MARCHF4: variants seen among roughly 807,000 people sequenced by gnomAD.
MARCHF4 encodes the protein membrane associated ring-CH-type finger 4.
A neutral mutation model predicts 43.9 loss-of-function variants in MARCHF4; 14 were observed. That is an observed-to-expected ratio of 0.32 (90% confidence interval 0.21 to 0.50). The LOEUF (loss-of-function observed/expected upper bound fraction) is 0.50, where lower values mean the gene tolerates loss of function less well. Ranked by LOEUF, MARCHF4 falls within the 20% of genes least tolerant of loss-of-function variation. MARCHF4 has a pLI of 0.98. For missense variants in MARCHF4, 468 were observed against 536.7 expected (o/e 0.87, Z 1.27); for synonymous variants, 226 against 213.3 (o/e 1.06, Z -0.52).
At chr2:216,303,861 G>T (rs1691537781) in intron 1 of MARCHF4, among the ~76,000 whole-genome samples, 2 of 152,160 alleles carry the variant, frequency 1.3e-5, no homozygotes, top group Admixed American at 1.3e-4. Flanking sequence ...CAGATTCCAG[G>T]AATTGCTTAA....
At chr2:216,266,709 C>T (rs1325417628) in intron 3 of MARCHF4, among the ~76,000 whole-genome samples, 1 of 152,206 alleles carries the variant, frequency 6.6e-6, no homozygotes, top group Admixed American at 6.5e-5. Flanking sequence ...TTCCACTCCT[C>T]CAGTGCCCAG....
intron 2 of MARCHF4, 110 bp downstream of exon 2, chr2:216,283,464 T>C: frequency 7.3e-7 from 1 of 1,361,044 alleles, no homozygotes; most frequent in Non-Finnish European, 1.0e-6. Context: ...GCCCATCTTC[T>C]TCCTTTTCCT....
At chr2:216,260,031 G>T (rs1690716512) in intron 3 of MARCHF4, among the ~76,000 whole-genome samples, 1 of 152,182 alleles carries the variant, frequency 6.6e-6, no homozygotes, top group Admixed American at 6.5e-5. Flanking sequence ...GTCCTTAGCA[G>T]ATGTTGAATG....
At chr2:216,273,784 G>C (rs1053703026) in intron 3 of MARCHF4, among the ~76,000 whole-genome samples, 1 of 152,238 alleles carries the variant, frequency 6.6e-6, no homozygotes, top group African/African-American at 2.4e-5. Flanking sequence ...ACCACGCTGA[G>C]CCTCCTTCTG....
chr2:216,349,253 C>G (rs1352108642), intron 1 of MARCHF4, among the ~76,000 whole-genome samples: 2 of 152,218 alleles, frequency 1.3e-5, no homozygotes, highest in African/African-American at 4.8e-5. Context: ...TCAGGGATCT[C>G]TCCTCTCCTG....
chr2:216,370,358 G>C lies in MARCHF4; in HGVS notation c.-98C>G. 2 of 999,080 alleles carry C rather than the reference G, an allele frequency of 2.0e-6. No individual in the cohort carries two copies. The highest frequency in any genetic ancestry group is 1.4e-6 in the Non-Finnish European group (1 of 708,064). The allele number at this position is 999,080 out of a possible 1,614,324, so 61.9% of individuals were successfully genotyped here. On this transcript the variant is annotated 5_prime_UTR_variant, in exon 1 of 4. Coordinates refer to ENST00000273067, the MANE Select transcript of MARCHF4 (RefSeq NM_020814.3). ...GGGTCCACAGTGGATCTGTGTTGTG[G>C]GGGGAGTCTGCTTTCTCACTGGCTT... is the stretch of plus-strand genomic sequence containing the variant.
rs1160066015 is a variant in MARCHF4 at position 216,339,203 on chromosome 2, C to T, written c.516+30542G>A. ...CAATCCCCCCTTTCCTGGCACCCAA[C>T]AGCAGTCTTGTCATTCTAGGCATCT... On this transcript the variant is annotated intron_variant, in intron 1 of 3. Coordinates refer to ENST00000273067, the MANE Select transcript of MARCHF4 (RefSeq NM_020814.3). Among the ~76,000 whole-genome samples the T allele has an allele frequency of 5.3e-5, 8 of 152,332 alleles. No individual in the cohort carries two copies. In the East Asian group the frequency reaches 1.5e-3, roughly 29 times the overall value.
At chr2:216,286,976 G>A (rs1691227934) in intron 1 of MARCHF4, among the ~76,000 whole-genome samples, 1 of 152,158 alleles carries the variant, frequency 6.6e-6, no homozygotes, top group African/African-American at 2.4e-5. Flanking sequence ...TCTGATTGAG[G>A]AGAAAGGTTA....
chr2:216,334,491 C>T (rs925420238), intron 1 of MARCHF4, among the ~76,000 whole-genome samples: 1 of 152,076 alleles, frequency 6.6e-6, no homozygotes, highest in Non-Finnish European at 1.5e-5. Flanking sequence ...GCCTCCAACT[C>T]CTGAACTCAA....
intron 1 of MARCHF4, among the ~76,000 whole-genome samples, chr2:216,365,147 C>G (rs1358846162): frequency 6.6e-6 from 1 of 152,174 alleles, no homozygotes; most frequent in Non-Finnish European, 1.5e-5. Context: ...TACTTGAGCT[C>G]CATTCCCAGG....
chr2:216,303,908 T>C (rs1392800586), intron 1 of MARCHF4, among the ~76,000 whole-genome samples: 3 of 152,176 alleles, frequency 2.0e-5, no homozygotes, highest in African/African-American at 7.2e-5. Flanking sequence ...GCAGGAGTTC[T>C]TTGTAAAGGA....
intron 1 of MARCHF4, among the ~76,000 whole-genome samples, chr2:216,343,498 G>A (rs535013748): frequency 3.4e-4 from 52 of 152,138 alleles, no homozygotes; most frequent in South Asian, 2.5e-3. Context: ...CCATCACATC[G>A]GAGGTTAGGA....
rs115672494 is a variant in MARCHF4 at position 216,278,795 on chromosome 2, G to A, written c.673-931C>T. Among the ~76,000 whole-genome samples, 1,415 of 152,302 alleles carry A rather than the reference G, an allele frequency of 9.3e-3. 12 individuals are homozygous for A. Among genetic ancestry groups the A allele is most frequent in the Non-Finnish European group, 0.015 (1,053 of 68,020 alleles). ...CAGAAAAAGCCCTGTGCTTATACCA[G>A]TATTGACAGATGGGTTAAAGGCTAG... On this transcript the variant is annotated intron_variant, in intron 2 of 3. Coordinates refer to ENST00000273067, the MANE Select transcript of MARCHF4 (RefSeq NM_020814.3).
intron 1 of MARCHF4, among the ~76,000 whole-genome samples, chr2:216,346,326 C>T (rs1692319567): frequency 1.3e-5 from 2 of 151,840 alleles, no homozygotes; most frequent in African/African-American, 4.8e-5. Flanking sequence ...ACCACCCCCT[C>T]ATGAACACAC....
intron 1 of MARCHF4, among the ~76,000 whole-genome samples, chr2:216,304,752 G>T (rs954616839): frequency 4.6e-5 from 7 of 152,088 alleles, no homozygotes; most frequent in African/African-American, 1.4e-4. Flanking sequence ...TCCGGAGTTT[G>T]AGACCAGCCT....
In MARCHF4 at chr2:216,283,782, G is replaced by A; in HGVS notation, c.517-53C>T. On this transcript the variant is annotated intron_variant, in intron 1 of 3. Transcript: ENST00000273067. ...GGCTGAGACCTACAGTGGCTGGTGG[G>A]TGAGTGATGGGCGGGAGGGTGGCAG... The A allele has an allele frequency of 2.0e-6, 3 of 1,513,390 alleles. No homozygotes were observed. In the South Asian group the frequency reaches 3.8e-5, roughly 19 times the overall value. The allele number at this position is 1,513,390 out of a possible 1,614,324, so 93.7% of individuals were successfully genotyped here.
chr2:216,363,496 A>C (rs913767970), intron 1 of MARCHF4, among the ~76,000 whole-genome samples: 1 of 152,218 alleles, frequency 6.6e-6, no homozygotes, highest in African/African-American at 2.4e-5. Flanking sequence ...GGGTTTTAAC[A>C]TCCTTACCTT....
intron 1 of MARCHF4, among the ~76,000 whole-genome samples, chr2:216,295,826 G>A (rs537616457): frequency 6.6e-6 from 1 of 152,342 alleles, no homozygotes; most frequent in South Asian, 2.1e-4. Flanking sequence ...TAACAGCCCT[G>A]TTGTGTCAAG....
At chr2:216,365,585 C>T (rs1692653463) in intron 1 of MARCHF4, among the ~76,000 whole-genome samples, 1 of 152,252 alleles carries the variant, frequency 6.6e-6, no homozygotes, top group African/African-American at 2.4e-5. Context: ...TTCCATCTGT[C>T]TAACCTCAGT....
Sources: gnomAD v4.1 joint callset for allele counts (sites outside exome capture counted in the v4.1 genomes callset) on GRCh38, gnomAD v4.1.1 for gene constraint, MANE v1.5 for transcripts, NCBI Gene and HGNC (gene_info 2026-07-23, HGNC 2026-07-21) for gene names.